ATP10B: variants seen among roughly 807,000 people sequenced by gnomAD.
ATP10B encodes phospholipid-transporting ATPase VB.
A neutral mutation model predicts 141.2 loss-of-function variants in ATP10B; 122 were observed. The observed-to-expected ratio is 0.86, with a 90% CI of 0.75 to 1.00. The LOEUF is 1.00. Ranked by LOEUF, ATP10B falls within the 50% of genes least tolerant of loss-of-function variation. The probability of loss-of-function intolerance (pLI) is 0.00; values close to 1 mark genes in which losing one functional copy is unlikely to be tolerated. For synonymous variants in ATP10B, 685 were observed against 692.0 expected (o/e 0.99, Z 0.16); for missense variants, 1,876 against 1,825.3 (o/e 1.03, Z -0.51).
intron 2 of ATP10B, among the ~76,000 whole-genome samples, chr5:160,767,389 A>G (rs1386252752): frequency 1.3e-5 from 2 of 152,152 alleles, no homozygotes; most frequent in African/African-American, 4.8e-5. Context: ...CCATAAAAAG[A>G]AAGGAGAGAT....
intron 6 of ATP10B, among the ~76,000 whole-genome samples, chr5:160,672,862 C>T (rs576178481): frequency 3.3e-5 from 5 of 152,322 alleles, no homozygotes; most frequent in South Asian, 2.1e-4. Context: ...TCTTCCTCCC[C>T]TCCTGGAGGC....
At chr5:160,923,138 C>T in the ATP10B span, among the ~76,000 whole-genome samples, 2,555 of 152,232 alleles carry the variant, frequency 0.017, 76 homozygotes, top group African/African-American at 0.059. Context: ...TGCTTGCCAT[C>T]GATCGGAAGG....
the ATP10B span, among the ~76,000 whole-genome samples, chr5:160,877,640 T>A: frequency 4.7e-5 from 7 of 150,086 alleles, no homozygotes; most frequent in East Asian, 7.9e-4. Context: ...AAAACCCCAT[T>A]GTCTCAGCCC....
intron 1 of ATP10B, among the ~76,000 whole-genome samples, chr5:160,828,857 C>A (rs1774838152): frequency 6.7e-6 from 1 of 150,314 alleles, no homozygotes; most frequent in African/African-American, 2.4e-5. Context: ...CACATATACA[C>A]CATGGAATAC....
At chr5:160,586,905 T>C (rs1755946135) in intron 24 of ATP10B, among the ~76,000 whole-genome samples, 1 of 152,220 alleles carries the variant, frequency 6.6e-6, no homozygotes, top group Non-Finnish European at 1.5e-5. Flanking sequence ...TTTCTCCCAT[T>C]CTGTAGATTG....
chr5:160,673,533 GTTTTTTTT>G (rs34256429), intron 6 of ATP10B, among the ~76,000 whole-genome samples: 35 of 150,208 alleles, frequency 2.3e-4, no homozygotes, highest in East Asian at 1.2e-3. Context: ...ATTTTGTTTT[GTTTTTTTT>G]TTTTTTTTTT....
At chr5:160,923,751 A>G in the ATP10B span, among the ~76,000 whole-genome samples, 1 of 152,258 alleles carries the variant, frequency 6.6e-6, no homozygotes. Flanking sequence ...TGTAAATGAC[A>G]GGATACACAA....
At chr5:160,745,129 G>A (rs1263247279) in intron 2 of ATP10B, among the ~76,000 whole-genome samples, 1 of 152,220 alleles carries the variant, frequency 6.6e-6, no homozygotes, top group Non-Finnish European at 1.5e-5. Context: ...AGGATTTGCT[G>A]CTGCTATTAT....
chr5:160,827,744 T>C (rs1001999057), intron 1 of ATP10B, among the ~76,000 whole-genome samples: 1 of 152,206 alleles, frequency 6.6e-6, no homozygotes, highest in African/African-American at 2.4e-5. Context: ...TCTTAATTTT[T>C]GTATAGGGTG....
chr5:160,919,156 G>A, the ATP10B span, among the ~76,000 whole-genome samples: 78 of 139,222 alleles, frequency 5.6e-4, no homozygotes, highest in African/African-American at 2.0e-3. Context: ...CCCGGGAGGC[G>A]GAGCTTGCAG....
intron 1 of ATP10B, among the ~76,000 whole-genome samples, chr5:160,824,311 C>A (rs757197840): frequency 1.3e-4 from 20 of 152,304 alleles, no homozygotes; most frequent in Non-Finnish European, 1.9e-4. Flanking sequence ...CCACTGCACC[C>A]AACCCCACAT....
intron 23 of ATP10B, among the ~76,000 whole-genome samples, chr5:160,590,210 T>C (rs1446064092): frequency 6.6e-6 from 1 of 152,060 alleles, no homozygotes; most frequent in Non-Finnish European, 1.5e-5. Flanking sequence ...ACACAGACGG[T>C]TTGTAGAACT....
chr5:160,925,424 G>A, the ATP10B span, among the ~76,000 whole-genome samples: 5,492 of 152,240 alleles, frequency 0.036, 312 homozygotes, highest in African/African-American at 0.12. Flanking sequence ...GTTTGTAGAC[G>A]GGGAAACTGA....
chr5:160,788,816 A>T (rs1771361556), intron 1 of ATP10B, among the ~76,000 whole-genome samples: 1 of 151,294 alleles, frequency 6.6e-6, no homozygotes, highest in Non-Finnish European at 1.5e-5. Context: ...AGAGAACATA[A>T]GTAAGTTAAC....
At chr5:160,634,014 G>A (rs1759140222) in intron 12 of ATP10B, 12 of 392,638 alleles carry the variant, frequency 3.1e-5, no homozygotes, top group South Asian at 2.5e-4. Context: ...CTAAGCCTTG[G>A]TTGTGTGACT....
At chr5:160,808,101 C>G (rs908883917) in intron 1 of ATP10B, among the ~76,000 whole-genome samples, 1 of 152,138 alleles carries the variant, frequency 6.6e-6, no homozygotes, top group South Asian at 2.1e-4. Context: ...AACACCTTGA[C>G]TGGATCTTTA....
intron 1 of ATP10B, among the ~76,000 whole-genome samples, chr5:160,821,733 A>AAGG (rs1774122413): frequency 6.6e-6 from 1 of 152,126 alleles, no homozygotes; most frequent in South Asian, 2.1e-4. Flanking sequence ...GTTTTGGGAA[A>AAGG]AGGTGCAAAG....
At chr5:160,660,583 A>G (rs745507033) in intron 7 of ATP10B, among the ~76,000 whole-genome samples, 2 of 152,250 alleles carry the variant, frequency 1.3e-5, no homozygotes, top group Non-Finnish European at 2.9e-5. Flanking sequence ...GAGTGACCCA[A>G]TACTTCACGA....
intron 3 of ATP10B, among the ~76,000 whole-genome samples, chr5:160,708,200 T>C (rs1303932177): frequency 6.6e-5 from 10 of 152,164 alleles, no homozygotes; most frequent in Non-Finnish European, 1.5e-4. Context: ...TGAGGTTTTG[T>C]TGTCTGATTT....
Sources: allele counts gnomAD v4.1 joint callset (sites outside exome capture counted in the v4.1 genomes callset), GRCh38; gene constraint gnomAD v4.1.1; transcripts MANE v1.5; gene names NCBI Gene and HGNC (gene_info 2026-07-23, HGNC 2026-07-21).